The following KCNQ1 variants were observed in gnomAD, a reference collection of about 807,000 sequenced individuals.
KCNQ1 encodes potassium voltage-gated channel subfamily KQT member 1.
In KCNQ1, 49 loss-of-function variants were observed where a neutral mutation model predicts 72.4. The ratio of observed to expected loss-of-function variants is 0.68; its 90% CI spans 0.54 to 0.86. The LOEUF is 0.86. Among genes scored for constraint, KCNQ1 ranks in the 40% least tolerant of loss-of-function variants. The pLI, the probability that KCNQ1 is intolerant of heterozygous loss-of-function variation, is 0.00. For synonymous variants in KCNQ1, 450 were observed against 412.6 expected (o/e 1.09, Z -1.10); for missense variants, 790 against 945.1 (o/e 0.84, Z 2.15).
At chr11:2,666,899 A>G (rs1850081388) in intron 11 of KCNQ1, 1 of 398,594 alleles carries the variant, frequency 2.5e-6, no homozygotes. Flanking sequence ...GTCTTTCTAG[A>G]CCAGTGTCCT....
At position 2,601,101 on chromosome 11, in the gene KCNQ1, GTC is replaced by G. The variant is rs1848801188; in HGVS notation, c.1393+12252_1393+12253del. The stretch of plus-strand genomic sequence containing the variant: ...GCTACTTGTTAAAAAAAAAAAAAAA[GTC>G]TCTCCAGATTTAAATGCTTTTGGAA... On this transcript the variant is annotated intron_variant, in intron 10 of 15. Transcript: ENST00000155840. The surrounding 1 kb of genome is among the most constrained non-coding windows in gnomAD (Gnocchi z 5.2). 7.0e-6 allele frequency among the ~76,000 whole-genome samples: 1 copy of G among 142,238 alleles called. No homozygotes were observed. 93.3% of individuals were successfully genotyped at this position (142,238 alleles called of 152,430 possible).
chr11:2,646,961 A>G, intron 10 of KCNQ1: 1 of 398,592 alleles, frequency 2.5e-6, no homozygotes, highest in East Asian at 3.6e-5. Flanking sequence ...TCTCTTTTCC[A>G]ATTTGGATAC....
chr11:2,770,861 G>C (rs929548024), intron 12 of KCNQ1, among the ~76,000 whole-genome samples: 1 of 152,232 alleles, frequency 6.6e-6, no homozygotes, highest in Non-Finnish European at 1.5e-5. Flanking sequence ...GGCAGCACCA[G>C]TGCTCTCCCA....
rs574080115 is a variant in KCNQ1 at position 2,824,033 on chromosome 11, G to A, written c.1795-23734G>A. Among the ~76,000 whole-genome samples the A allele has an allele frequency of 7.2e-5, 11 of 152,164 alleles. No individual in the cohort carries two copies. Among genetic ancestry groups the A allele is most frequent in the Admixed American group, 2.6e-4 (4 of 15,278 alleles). On this transcript the variant is annotated intron_variant, in intron 15 of 15. Coordinates refer to ENST00000155840, the MANE Select transcript of KCNQ1 (RefSeq NM_000218.3). This position sits in a 1 kb window ranked among gnomAD's most constrained non-coding sequence, Gnocchi z 5.9. The stretch of plus-strand genomic sequence containing the variant: ...AGCTGGGCATGCACACTAAGGCCTG[G>A]AGGCTTGTGCTTATCCATCATATAG...
chr11:2,643,990 G>T (rs888829513), intron 10 of KCNQ1: 6 of 398,368 alleles, frequency 1.5e-5, no homozygotes, highest in Non-Finnish European at 2.7e-5. Flanking sequence ...TTGTTCCCTT[G>T]TAAGTGTCTA....
chr11:2,640,136 C>A, intron 10 of KCNQ1: 1 of 342,152 alleles, frequency 2.9e-6, no homozygotes, highest in Non-Finnish European at 5.2e-6. Context: ...AAGGGAATTC[C>A]CTGACCCCTT....
At chr11:2,776,089 C>G in intron 13 of KCNQ1, 35 bp downstream of exon 13, 1 of 1,514,010 alleles carries the variant, frequency 6.6e-7, no homozygotes, top group Non-Finnish European at 9.0e-7. Flanking sequence ...GGAGGGTGCC[C>G]AGGTCCTGCC....
chr11:2,685,404 T>A, intron 11 of KCNQ1: 1 of 398,650 alleles, frequency 2.5e-6, no homozygotes, highest in Non-Finnish European at 4.4e-6. Context: ...TGTGTTTCCA[T>A]GGGTCTCCTT....
chr11:2,699,527 G>A (rs1471127341), intron 11 of KCNQ1: 7 of 335,630 alleles, frequency 2.1e-5, no homozygotes, highest in Admixed American at 1.1e-4. Flanking sequence ...AGAGTGCCGC[G>A]CTGAGGAGGC....
In KCNQ1 at chr11:2,536,909, T is replaced by G. The variant is rs778453068; in HGVS notation, c.477+8891T>G. Among the ~76,000 whole-genome samples, 4 of 151,948 alleles carry G rather than the reference T, an allele frequency of 2.6e-5. No individual in the cohort carries two copies. The highest frequency in any genetic ancestry group is 2.9e-5 in the Non-Finnish European group (2 of 68,024). Reference sequence around the variant, plus strand: ...GGGTGGCTAGCAACTGTCTTCTAGATGTAGTACCCCAATCCCCCCCAGTCC... The same window carrying G: ...GGGTGGCTAGCAACTGTCTTCTAGAGGTAGTACCCCAATCCCCCCCAGTCC... On this transcript the variant is annotated intron_variant, in intron 2 of 15. Transcript: ENST00000155840. This position sits in a 1 kb window ranked among gnomAD's most constrained non-coding sequence, Gnocchi z 7.4.
At chr11:2,511,526 G>A (rs767681419) in intron 1 of KCNQ1, among the ~76,000 whole-genome samples, 8 of 152,172 alleles carry the variant, frequency 5.3e-5, no homozygotes, top group Non-Finnish European at 8.8e-5. Flanking sequence ...GGCAGGTGAC[G>A]GGTGAGTGGT....
At chr11:2,699,720 C>A in intron 11 of KCNQ1, 1 of 332,938 alleles carries the variant, frequency 3.0e-6, no homozygotes, top group Non-Finnish European at 5.2e-6. Flanking sequence ...GCCGAGGAGT[C>A]CCCGGGGAGA....
rs1418536385 is a variant in KCNQ1, at chr11:2,608,073, T to C, written c.1393+19219T>C. Among the ~76,000 whole-genome samples the C allele has an allele frequency of 6.6e-6, 1 of 152,236 alleles. No individual in the cohort carries two copies. On this transcript the variant is annotated intron_variant, in intron 10 of 15. Coordinates refer to ENST00000155840, the MANE Select transcript of KCNQ1 (RefSeq NM_000218.3). The surrounding 1 kb of genome is among the most constrained non-coding windows in gnomAD (Gnocchi z 4.6). ...TACCTAAAATGGGTAAAATAAATTT[T>C]ATAAGTTCTCTTTTCATGTTTTTGT...
chr11:2,560,899 T>G, intron 2 of KCNQ1, among the ~76,000 whole-genome samples: 2 of 151,110 alleles, frequency 1.3e-5, no homozygotes, highest in Non-Finnish European at 1.5e-5. Flanking sequence ...GCAGGGAGAG[T>G]GAGGCTGCGC....
intron 11 of KCNQ1, among the ~76,000 whole-genome samples, chr11:2,743,724 G>A (rs1159006779): frequency 6.6e-6 from 1 of 152,224 alleles, no homozygotes; most frequent in African/African-American, 2.4e-5. Context: ...TTGATTAGCC[G>A]CCATCTAAGG....
In KCNQ1 at chr11:2,576,224, C is replaced by T. The variant is rs373875623; in HGVS notation, c.921+3238C>T. ...TTCCTGGGAAGGTCCCTCCCCTTGC[C>T]GGCCACCAGTTTCCACAGCTGTCCA... On this transcript the variant is annotated intron_variant, in intron 6 of 15. Transcript: ENST00000155840. Among the ~76,000 whole-genome samples the T allele has an allele frequency of 6.6e-5, 10 of 152,318 alleles. No homozygotes were observed. The East Asian group carries it at 1.2e-3, about 18-fold the overall frequency.
intron 15 of KCNQ1, among the ~76,000 whole-genome samples, chr11:2,812,285 T>C (rs919013229): frequency 2.6e-5 from 4 of 151,940 alleles, no homozygotes; most frequent in Non-Finnish European, 5.9e-5. Flanking sequence ...TCCCTCCTTC[T>C]CTCTCCTTCC....
In KCNQ1 at chr11:2,613,875, G is replaced by T. The variant is rs1345355830; in HGVS notation, c.1393+25021G>T. The T allele has an allele frequency of 2.5e-6, 1 of 398,326 alleles. No homozygotes were observed. Among genetic ancestry groups the T allele is most frequent in the Admixed American group, 4.4e-5 (1 of 22,694 alleles). 24.7% of individuals were successfully genotyped at this position (398,326 alleles called of 1,614,324 possible). ...GTTTGTGTGTGTTTGCTCTTTATAA[G>T]ACATGATTATTTTCTCATTTCCCAA... On this transcript the variant is annotated intron_variant, in intron 10 of 15. Coordinates refer to ENST00000155840, the MANE Select transcript of KCNQ1 (RefSeq NM_000218.3). This position sits in a 1 kb window ranked among gnomAD's most constrained non-coding sequence, Gnocchi z 4.8.
intron 10 of KCNQ1, among the ~76,000 whole-genome samples, chr11:2,589,101 G>A (rs968035260): frequency 6.6e-6 from 1 of 152,236 alleles, no homozygotes; most frequent in South Asian, 2.1e-4. Flanking sequence ...TGATGGGGTG[G>A]GTCGGCTCCA....
Sources: allele counts gnomAD v4.1 joint callset (sites outside exome capture counted in the v4.1 genomes callset), GRCh38; gene constraint gnomAD v4.1.1; non-coding constraint Gnocchi (gnomAD v3.1); transcripts MANE v1.5; gene names NCBI Gene and HGNC (gene_info 2026-07-23, HGNC 2026-07-21).